GARRE1: variants seen among roughly 807,000 people sequenced by gnomAD.
GARRE1 encodes granule associated Rac and RHOG effector 1.
GARRE1 carries 49 observed loss-of-function variants against 103.2 expected under a neutral mutation model. The observed-to-expected ratio is 0.47, with a 90% CI of 0.38 to 0.60. The LOEUF is 0.60. GARRE1 is among the 20% of genes least tolerant of loss of function. The pLI is 0.00. For synonymous variants in GARRE1, 505 were observed against 532.8 expected (o/e 0.95, Z 0.72); for missense variants, 1,199 against 1,370.5 (o/e 0.87, Z 1.98).
intron 1 of GARRE1, among the ~76,000 whole-genome samples, chr19:34,279,461 T>A: frequency 6.6e-6 from 1 of 152,036 alleles, no homozygotes; most frequent in East Asian, 1.9e-4. Context: ...GGCTATTTTT[T>A]TTTTTATTTT....
At chr19:34,294,239 G>C (rs2073934522) in intron 1 of GARRE1, among the ~76,000 whole-genome samples, 1 of 150,786 alleles carries the variant, frequency 6.6e-6, no homozygotes. Context: ...GGACAACATA[G>C]TGAGACCCTG....
At chr19:34,267,897 C>T (rs1172224231) in intron 1 of GARRE1, among the ~76,000 whole-genome samples, 1 of 151,794 alleles carries the variant, frequency 6.6e-6, no homozygotes, top group Non-Finnish European at 1.5e-5. Flanking sequence ...CCTCAGCCTC[C>T]TGAGTAGCTG....
rs1243336721 is a variant in GARRE1, at chr19:34,301,805, C to T, written c.495+837C>T. ...TCATGCCATTCTCCTGCCTCAGCCT[C>T]CCTAGTAGCTGGGACTACAGGCACC... On this transcript the variant is annotated intron_variant, in intron 2 of 13. Transcript: ENST00000299505. Among the ~76,000 whole-genome samples, 3 of 150,794 alleles carry T rather than the reference C, an allele frequency of 2.0e-5. No individual in the cohort carries two copies. In the East Asian group the frequency reaches 5.9e-4, roughly 30 times the overall value.
intron 1 of GARRE1, among the ~76,000 whole-genome samples, chr19:34,296,885 G>A (rs2073950584): frequency 6.6e-6 from 1 of 152,080 alleles, no homozygotes; most frequent in South Asian, 2.1e-4. Flanking sequence ...CTCAAGTGAT[G>A]TTCTCACCTT....
chr19:34,287,326 G>T (rs1306952489), intron 1 of GARRE1, among the ~76,000 whole-genome samples: 11 of 151,808 alleles, frequency 7.2e-5, no homozygotes, highest in Admixed American at 2.0e-4. Context: ...AGGTTTTTTT[G>T]TTGTTGTTTG....
intron 7 of GARRE1, among the ~76,000 whole-genome samples, chr19:34,332,928 G>C (rs2074143972): frequency 6.6e-6 from 1 of 152,060 alleles, no homozygotes; most frequent in South Asian, 2.1e-4. Context: ...TTCTTCCTCT[G>C]TCCTGAAGTA....
intron 1 of GARRE1, among the ~76,000 whole-genome samples, chr19:34,298,355 A>G (rs1599761601): frequency 6.6e-6 from 1 of 151,694 alleles, no homozygotes; most frequent in Non-Finnish European, 1.5e-5. Context: ...TCGAGGCTGT[A>G]GTAAGCCAAG....
At chr19:34,266,393 G>T (rs913583484) in intron 1 of GARRE1, among the ~76,000 whole-genome samples, 7 of 152,146 alleles carry the variant, frequency 4.6e-5, no homozygotes, top group South Asian at 2.1e-4. Context: ...CAGGAGTCTC[G>T]CTTTGTCACC....
intron 8 of GARRE1, among the ~76,000 whole-genome samples, chr19:34,335,438 G>A (rs140858554): frequency 9.9e-4 from 151 of 152,346 alleles, no homozygotes; most frequent in African/African-American, 3.5e-3. Context: ...ATTTAAGTAG[G>A]CAGAGATACT....
At chr19:34,260,647 C>T (rs1204267833) in intron 1 of GARRE1, among the ~76,000 whole-genome samples, 1 of 152,118 alleles carries the variant, frequency 6.6e-6, no homozygotes, top group African/African-American at 2.4e-5. Flanking sequence ...CGTCGTTTAG[C>T]ATTAATGAAG....
chr19:34,342,970 T>C (rs147932765), intron 10 of GARRE1, among the ~76,000 whole-genome samples: 49 of 151,236 alleles, frequency 3.2e-4, no homozygotes, highest in African/African-American at 1.1e-3. Flanking sequence ...AGAGAAGGAA[T>C]TTACAAACAA....
intron 1 of GARRE1, among the ~76,000 whole-genome samples, chr19:34,292,259 G>A (rs1440619890): frequency 1.3e-4 from 20 of 152,160 alleles, no homozygotes; most frequent in Non-Finnish European, 2.6e-4. Flanking sequence ...CTTTCACTTA[G>A]CACAGTGTTT....
intron 10 of GARRE1, 122 bp from the exon 11 acceptor site, chr19:34,347,755 C>G (rs1256203201): frequency 5.1e-6 from 5 of 985,216 alleles, no homozygotes; most frequent in Non-Finnish European, 7.2e-6. Flanking sequence ...CTGTGGGGCA[C>G]AAGCCTGGCA....
intron 8 of GARRE1, among the ~76,000 whole-genome samples, chr19:34,337,674 T>C (rs1413842122): frequency 6.6e-6 from 1 of 152,200 alleles, no homozygotes; most frequent in Non-Finnish European, 1.5e-5. Context: ...GTCTTGGTGA[T>C]TTGTCAACAG....
rs1028815871 is a variant in GARRE1 at position 34,342,107 on chromosome 19, A to G, written c.2173A>G (p.Lys725Glu). Residue 725 changes from lysine to glutamate, a missense_variant, in exon 10 of 14, where the codon AAG becomes GAG. Transcript: ENST00000299505. ...PGLAPQQQSP[K>E]QQQPQVQYYQ... ...ACTGGCACCTCAGCAGCAGTCCCCA[A>G]AGCAGCAACAACCTCAAGTCCAATA... 4 of 1,613,966 alleles carry G rather than the reference A, an allele frequency of 2.5e-6. No homozygotes were observed. The highest frequency in any genetic ancestry group is 2.7e-5 in the African/African-American group (2 of 74,890).
In GARRE1 at chr19:34,305,216, C is replaced by T. The variant is rs540899543; in HGVS notation, c.495+4248C>T. Among the ~76,000 whole-genome samples the T allele has an allele frequency of 9.2e-5, 14 of 152,280 alleles. No individual in the cohort carries two copies. The South Asian group carries it at 2.9e-3, about 32-fold the overall frequency. ...CCTCATTCCTTTCCCCAGAAGTGAC[C>T]ATTAGTAACTGGTTGTTGTATGCCA... On this transcript the variant is annotated intron_variant, in intron 2 of 13. Coordinates refer to ENST00000299505, the MANE Select transcript of GARRE1 (RefSeq NM_014686.5).
intron 3 of GARRE1, among the ~76,000 whole-genome samples, chr19:34,324,082 C>G (rs187670704): frequency 6.6e-6 from 1 of 152,134 alleles, no homozygotes; most frequent in African/African-American, 2.4e-5. Context: ...TTGCCCCGTG[C>G]TGGCCTTGCC....
intron 1 of GARRE1, among the ~76,000 whole-genome samples, chr19:34,297,664 GC>G (rs1223569256): frequency 3.9e-5 from 6 of 152,222 alleles, no homozygotes; most frequent in African/African-American, 1.4e-4. Context: ...CCCCGCTTCA[GC>G]ATTCCTGTAG....
chr19:34,327,552 T>A lies in GARRE1; in HGVS notation c.837T>A (p.Ser279Arg). The change falls in exon 4 of 14, where the codon AGT (serine) becomes AGA (arginine). Residue 279 changes from serine (S) to arginine (R), a missense_variant. Physicochemically the swap from Ser to Arg is moderately radical, Grantham distance 110. Transcript: ENST00000299505. Reference protein sequence around the residue: ...QLKELNIKIDSALQAYKIALE... With the variant: ...QLKELNIKIDRALQAYKIALE... ...AAGAACTGAACATAAAAATCGACAG[T>A]GCTTTGCAAGTAAGTTTTTCAGAAC... 6.2e-7 allele frequency: 1 copy of A among 1,613,750 alleles called. No individual in the cohort carries two copies. The highest frequency in any genetic ancestry group is 1.1e-5 in the South Asian group (1 of 91,086).
Sources: allele counts gnomAD v4.1 joint callset (sites outside exome capture counted in the v4.1 genomes callset), GRCh38; gene constraint gnomAD v4.1.1; transcripts MANE v1.5; gene names NCBI Gene and HGNC (gene_info 2026-07-23, HGNC 2026-07-21).